Variants in DCC observed in about 807,000 individuals in gnomAD.
DCC encodes the protein netrin receptor DCC.
Under a neutral mutation model 172.5 loss-of-function variants are expected in DCC, and 58 were observed. The ratio of observed to expected loss-of-function variants is 0.34; its 90% CI spans 0.27 to 0.42. The LOEUF is 0.42. Ranked by LOEUF, DCC falls within the 10% of genes least tolerant of loss-of-function variation. DCC has a pLI of 1.00. For missense variants in DCC, 1,740 were observed against 1,791.0 expected (o/e 0.97, Z 0.51); for synonymous variants, 709 against 644.5 (o/e 1.10, Z -1.52).
At chr18:53,073,991 G>A (rs539717923) in intron 7 of DCC, among the ~76,000 whole-genome samples, 1 of 152,038 alleles carries the variant, frequency 6.6e-6, no homozygotes. Flanking sequence ...TCAGTGTGAA[G>A]CAATGAACAT....
intron 1 of DCC, among the ~76,000 whole-genome samples, chr18:52,467,654 A>G (rs1178171170): frequency 1.3e-5 from 2 of 152,200 alleles, no homozygotes; most frequent in African/African-American, 4.8e-5. Flanking sequence ...ATTAATTTAC[A>G]TTCCCACCAA....
At chr18:53,498,012 A>C (rs1230022652) in intron 26 of DCC, among the ~76,000 whole-genome samples, 1 of 152,120 alleles carries the variant, frequency 6.6e-6, no homozygotes, top group East Asian at 1.9e-4. Context: ...CCTTGTATCT[A>C]TCTTTCTACC....
chr18:52,514,502 G>A (rs1353261747), intron 1 of DCC, among the ~76,000 whole-genome samples: 1 of 152,142 alleles, frequency 6.6e-6, no homozygotes, highest in Middle Eastern at 3.2e-3. Context: ...ATCCCCTATG[G>A]GGAATAAAAA....
At chr18:52,627,145 T>G (rs2034590034) in intron 1 of DCC, among the ~76,000 whole-genome samples, 1 of 152,214 alleles carries the variant, frequency 6.6e-6, no homozygotes, top group South Asian at 2.1e-4. Flanking sequence ...TGTCCTCAAG[T>G]AGAGCCCCAG....
intron 20 of DCC, among the ~76,000 whole-genome samples, chr18:53,412,277 A>G (rs1238244247): frequency 6.6e-6 from 1 of 152,200 alleles, no homozygotes; most frequent in Admixed American, 6.5e-5. Flanking sequence ...ATAATAGTCA[A>G]TTCTATTTTA....
intron 1 of DCC, among the ~76,000 whole-genome samples, chr18:52,359,813 T>A (rs1984539716): frequency 6.6e-6 from 1 of 152,192 alleles, no homozygotes; most frequent in African/African-American, 2.4e-5. Flanking sequence ...TGCTGTATGT[T>A]CCCATATTAT....
At chr18:53,137,236 G>T (rs2043757387) in intron 7 of DCC, among the ~76,000 whole-genome samples, 1 of 152,188 alleles carries the variant, frequency 6.6e-6, no homozygotes, top group African/African-American at 2.4e-5. Flanking sequence ...TCCAATCCAG[G>T]TATTGGCCAA....
rs1432601582 is a variant in DCC, at chr18:52,610,179, ATATATATATATATAT to A, written c.92-141874_92-141860del. ...AAAAAAAAAAAAAAAAAAAAAAAAA[ATATATATATATATAT>A]ATATATATATATATATATATATATA... On this transcript the variant is annotated intron_variant, in intron 1 of 28. Coordinates refer to ENST00000442544, the MANE Select transcript of DCC (RefSeq NM_005215.4). Among the ~76,000 whole-genome samples, 49 of 8,730 alleles carry A rather than the reference ATATATATATATATAT, an allele frequency of 5.6e-3. 1 individual carries two copies. Among genetic ancestry groups the A allele is most frequent in the Admixed American group, 8.9e-3 (4 of 448 alleles). The allele number at this position is 8,730 out of a possible 152,430, so 5.7% of individuals were successfully genotyped here.
At chr18:52,507,524 C>T (rs2031276680) in intron 1 of DCC, among the ~76,000 whole-genome samples, 1 of 152,126 alleles carries the variant, frequency 6.6e-6, no homozygotes, top group Admixed American at 6.6e-5. Flanking sequence ...ACAGCAGTTT[C>T]TTTTGCTGAA....
intron 25 of DCC, among the ~76,000 whole-genome samples, chr18:53,471,165 C>A (rs534510678): frequency 1.3e-5 from 2 of 151,986 alleles, no homozygotes; most frequent in African/African-American, 2.4e-5. Flanking sequence ...AAAAACTATT[C>A]GTATTTTTTG....
intron 3 of DCC, among the ~76,000 whole-genome samples, chr18:52,914,686 C>T (rs770277290): frequency 1.3e-5 from 2 of 151,990 alleles, no homozygotes; most frequent in African/African-American, 2.4e-5. Context: ...GAATTTTTCA[C>T]TCAGAGCACA....
At chr18:52,558,191 A>G (rs2032958028) in intron 1 of DCC, among the ~76,000 whole-genome samples, 2 of 151,862 alleles carry the variant, frequency 1.3e-5, no homozygotes. Flanking sequence ...ATTATTGGGA[A>G]AAACAATTTA....
Position 53,535,262 on chromosome 18 carries a change from C to A in DCC, c.*4609C>A, listed in dbSNP as rs1268844701. 6.6e-6 allele frequency: 1 copy of A among 152,070 alleles called. No individual in the cohort carries two copies. The highest frequency in any genetic ancestry group is 1.5e-5 in the Non-Finnish European group (1 of 68,022). 9.4% of individuals were successfully genotyped at this position (152,070 alleles called of 1,614,324 possible). On this transcript the variant is annotated 3_prime_UTR_variant, in exon 29 of 29. Transcript: ENST00000442544. ...ATAAAAAGGGAGATCTGGTTGGGAT[C>A]TAGATACGGCTGTTAAAGCTGCAGT... is the stretch of plus-strand genomic sequence containing the variant.
intron 1 of DCC, among the ~76,000 whole-genome samples, chr18:52,695,824 A>T (rs1434853387): frequency 3.3e-5 from 5 of 152,220 alleles, no homozygotes; most frequent in Non-Finnish European, 1.5e-5. Flanking sequence ...TAAACTGCCC[A>T]GCCTTTCCCT....
At chr18:52,679,763 G>A (rs1233913572) in intron 1 of DCC, among the ~76,000 whole-genome samples, 1 of 152,076 alleles carries the variant, frequency 6.6e-6, no homozygotes, top group East Asian at 1.9e-4. Flanking sequence ...AAATTGTGTA[G>A]CAGGTTTACT....
intron 2 of DCC, among the ~76,000 whole-genome samples, chr18:52,903,393 G>A (rs1033510205): frequency 2.0e-5 from 3 of 151,942 alleles, no homozygotes; most frequent in Admixed American, 6.6e-5. Context: ...TTCTTGTAGC[G>A]ACAGCGTTTC....
intron 1 of DCC, among the ~76,000 whole-genome samples, chr18:52,478,446 G>T (rs976440552): frequency 6.6e-6 from 1 of 152,160 alleles, no homozygotes; most frequent in Non-Finnish European, 1.5e-5. Context: ...ATCTTTAATT[G>T]TAGAGGAATG....
At chr18:53,333,255 T>TATAGAA (rs2057552270) in intron 14 of DCC, among the ~76,000 whole-genome samples, 1 of 152,178 alleles carries the variant, frequency 6.6e-6, no homozygotes, top group South Asian at 2.1e-4. Flanking sequence ...AGGCCCTGTC[T>TATAGAA]ATAGAAATGA....
At chr18:52,537,507 C>T (rs1144071) in intron 1 of DCC, among the ~76,000 whole-genome samples, 151,017 of 152,268 alleles carry the variant, frequency 0.99, 74,904 homozygotes, top group Middle Eastern at 1. Context: ...AGCTGAAATC[C>T]TCCTGGATAT....
Sources: allele counts gnomAD v4.1 joint callset (sites outside exome capture counted in the v4.1 genomes callset), GRCh38; gene constraint gnomAD v4.1.1; transcripts MANE v1.5; gene names NCBI Gene and HGNC (gene_info 2026-07-23, HGNC 2026-07-21).